The following ABCC9 variants were observed in gnomAD, a reference collection of about 807,000 sequenced individuals.
The protein encoded by ABCC9 is ATP-binding cassette sub-family C member 9.
Under a neutral mutation model 188.3 loss-of-function variants are expected in ABCC9, and 95 were observed. The observed-to-expected ratio is 0.50, with a 90% CI of 0.43 to 0.60. The LOEUF (loss-of-function observed/expected upper bound fraction) is 0.60. Among genes scored for constraint, ABCC9 ranks in the 20% least tolerant of loss-of-function variants. The pLI, the probability that ABCC9 is intolerant of heterozygous loss-of-function variation, is 0.00. For synonymous variants in ABCC9, 659 were observed against 652.7 expected (o/e 1.01, Z -0.15); for missense variants, 1,102 against 1,876.3 (o/e 0.59, Z 7.62).
intron 3 of ABCC9, among the ~76,000 whole-genome samples, 157 bp from the exon 4 acceptor site, chr12:21,934,080 C>G (rs1949389799): frequency 6.6e-6 from 1 of 152,040 alleles, no homozygotes; most frequent in South Asian, 2.1e-4. Context: ...AGTCTATTTT[C>G]ATTATTCAAA....
intron 12 of ABCC9, among the ~76,000 whole-genome samples, chr12:21,900,573 A>G (rs142072427): frequency 7.2e-5 from 11 of 152,296 alleles, no homozygotes; most frequent in African/African-American, 2.2e-4. Context: ...AAAAGATTAG[A>G]CAAATGACTA....
chr12:21,829,238 G>C (rs1943578065), intron 30 of ABCC9, among the ~76,000 whole-genome samples, 178 bp from the exon 31 acceptor site: 1 of 108,540 alleles, frequency 9.2e-6, no homozygotes, highest in Non-Finnish European at 1.7e-5. Context: ...GTCTCGCTCT[G>C]TTGCCCAGGC....
intron 22 of ABCC9, among the ~76,000 whole-genome samples, chr12:21,855,416 T>A (rs530476360): frequency 1.3e-5 from 2 of 152,250 alleles, no homozygotes; most frequent in East Asian, 3.9e-4. Context: ...GAGATGGGGT[T>A]TCACCATGTT....
chr12:21,925,644 G>A (rs2137996387), intron 5 of ABCC9: 1 of 642,228 alleles, frequency 1.6e-6, no homozygotes, highest in Non-Finnish European at 2.8e-6. Context: ...ACTTCTGCAA[G>A]CCAGAAGGCC....
intron 12 of ABCC9, among the ~76,000 whole-genome samples, chr12:21,901,913 A>C (rs1947774124): frequency 6.6e-6 from 1 of 152,188 alleles, no homozygotes; most frequent in Non-Finnish European, 1.5e-5. Flanking sequence ...AAAGTTAACA[A>C]GGATATCCAG....
At chr12:21,901,560 A>G (rs1947751599) in intron 12 of ABCC9, among the ~76,000 whole-genome samples, 1 of 152,206 alleles carries the variant, frequency 6.6e-6, no homozygotes, top group African/African-American at 2.4e-5. Context: ...CAGGAAACCC[A>G]TCTCACGTGT....
At chr12:21,912,772 A>AG (rs5796936) in intron 8 of ABCC9, 100 bp downstream of exon 8, 13 of 1,198,932 alleles carry the variant, frequency 1.1e-5, no homozygotes, top group Middle Eastern at 2.5e-4. Flanking sequence ...TCTGAAAAAA[A>AG]GCCTATTTGA....
chr12:21,884,922 C>A (rs1457143870), intron 15 of ABCC9, among the ~76,000 whole-genome samples: 1 of 152,116 alleles, frequency 6.6e-6, no homozygotes, highest in Non-Finnish European at 1.5e-5. Flanking sequence ...ATTTTCCATA[C>A]AAAACAGGTC....
At chr12:21,838,589 A>C (rs1238053157) in intron 29 of ABCC9, among the ~76,000 whole-genome samples, 1 of 152,202 alleles carries the variant, frequency 6.6e-6, no homozygotes, top group East Asian at 1.9e-4. Flanking sequence ...CGGTGTCTGA[A>C]GAATCTTGCA....
At position 21,806,560 on chromosome 12, in the gene ABCC9, A is replaced by G. The variant is rs59266655; in HGVS notation, c.4450-500T>C. On this transcript the variant is annotated intron_variant, in intron 38 of 39. Transcript: ENST00000261200. ...AAAGGCTGTTCTGGGTACAGATTCC[A>G]TCTCTGTCCTAGAGGAAATCTTGGT... 1.8e-3 allele frequency among the ~76,000 whole-genome samples: 275 copies of G among 152,308 alleles called. 1 individual carries two copies. Among genetic ancestry groups the G allele is most frequent in the African/African-American group, 6.1e-3 (255 of 41,574 alleles).
chr12:21,868,950 A>C (rs980576140), intron 18 of ABCC9, among the ~76,000 whole-genome samples: 1 of 152,222 alleles, frequency 6.6e-6, no homozygotes, highest in African/African-American at 2.4e-5. Flanking sequence ...AAAGAATGTC[A>C]GTATCCTCTG....
intron 30 of ABCC9, among the ~76,000 whole-genome samples, chr12:21,830,566 T>G (rs540304509): frequency 1.1e-4 from 16 of 152,296 alleles, no homozygotes; most frequent in African/African-American, 3.4e-4. Flanking sequence ...TGTCAAAGAA[T>G]GAAGATATCC....
chr12:21,915,464 ATGTGTGTGTATATATGTG>A (rs1301203181), intron 7 of ABCC9, among the ~76,000 whole-genome samples, 186 bp downstream of exon 7: 4 of 33,314 alleles, frequency 1.2e-4, no homozygotes, highest in African/African-American at 1.9e-4. Flanking sequence ...ATGTGTGTAT[ATGTGTGTGTATATATGTG>A]TGTGTGTGTG....
chr12:21,855,715 A>G (rs1326062597), intron 22 of ABCC9, among the ~76,000 whole-genome samples: 1 of 152,218 alleles, frequency 6.6e-6, no homozygotes, highest in Non-Finnish European at 1.5e-5. Context: ...GCAAAGATGC[A>G]ACAAAATAAT....
At chr12:21,844,936 A>T (rs1944565664) in intron 26 of ABCC9, 21 bp from the exon 27 acceptor site, 1 of 1,613,108 alleles carries the variant, frequency 6.2e-7, no homozygotes, top group Non-Finnish European at 8.5e-7. Flanking sequence ...ACCAACACAA[A>T]AAGCACATAG....
chr12:21,868,398 G>A (rs1945888762), intron 18 of ABCC9, among the ~76,000 whole-genome samples: 2 of 152,168 alleles, frequency 1.3e-5, no homozygotes, highest in Non-Finnish European at 2.9e-5. Context: ...CCAACACTTT[G>A]GGAGGCCGAG....
chr12:21,899,462 T>C (rs1400881706), intron 12 of ABCC9, among the ~76,000 whole-genome samples: 1 of 151,956 alleles, frequency 6.6e-6, no homozygotes, highest in African/African-American at 2.4e-5. Context: ...GGACAGTGGG[T>C]GCAGGACAGT....
chr12:21,928,340 GGAAGAAA>G (rs1949126773), intron 4 of ABCC9, among the ~76,000 whole-genome samples: 1 of 133,320 alleles, frequency 7.5e-6, no homozygotes, highest in Non-Finnish European at 1.6e-5. Context: ...AGGAAGGAAG[GGAAGAAA>G]AAGAGAAAGA....
At chr12:21,890,341 T>G (rs889159434) in intron 14 of ABCC9, among the ~76,000 whole-genome samples, 4 of 152,118 alleles carry the variant, frequency 2.6e-5, no homozygotes, top group Non-Finnish European at 5.9e-5. Flanking sequence ...ACTCTCGAGC[T>G]TCATGCCTTG....
Sources: allele counts gnomAD v4.1 joint callset (sites outside exome capture counted in the v4.1 genomes callset), GRCh38; gene constraint gnomAD v4.1.1; transcripts MANE v1.5; gene names NCBI Gene and HGNC (gene_info 2026-07-23, HGNC 2026-07-21).